Variants in GALNT2 observed in about 807,000 individuals in gnomAD.
The protein encoded by GALNT2 is UDP-GalNAc:polypeptide N-acetylgalactosaminyltransferase 2.
In GALNT2, 31 loss-of-function variants were observed where a neutral mutation model predicts 81.4. That is an observed-to-expected ratio of 0.38 (90% CI 0.29 to 0.51). The LOEUF (loss-of-function observed/expected upper bound fraction) is 0.51. GALNT2 is among the 20% of genes least tolerant of loss of function. GALNT2 has a pLI of 0.87. For synonymous variants in GALNT2, 303 were observed against 287.4 expected, an observed-to-expected ratio of 1.05 and a Z score of -0.55; for missense variants, 629 against 765.7, an observed-to-expected ratio of 0.82 and a Z score of 2.11.
intron 1 of GALNT2, among the ~76,000 whole-genome samples, chr1:230,088,072 C>T (rs116602531): frequency 0.011 from 1,639 of 152,022 alleles, 33 homozygotes; most frequent in African/African-American, 0.038. Flanking sequence ...ATTTGCATCT[C>T]CCCCCGCCCC....
chr1:230,150,712 G>A (rs898258616), intron 1 of GALNT2, among the ~76,000 whole-genome samples: 1 of 152,224 alleles, frequency 6.6e-6, no homozygotes, highest in South Asian at 2.1e-4. Flanking sequence ...TAGAGAATGC[G>A]CTGCGACATT....
At position 230,203,118 on chromosome 1, in the gene GALNT2, T is replaced by C. The variant is rs1266571156; in HGVS notation, c.221-19T>C. On this transcript the variant is annotated intron_variant, in intron 2 of 15. Transcript: ENST00000366672. Reference sequence around the variant, plus strand: ...GTCACATTTTCCCTCATCCCTACCCTCTGCTCTGCTCTTTTTAGGGAAAGT... The same window carrying C: ...GTCACATTTTCCCTCATCCCTACCCCCTGCTCTGCTCTTTTTAGGGAAAGT... The C allele has an allele frequency of 6.2e-7, 1 of 1,610,912 alleles. No individual in the cohort carries two copies. The highest frequency in any genetic ancestry group is 1.7e-5 in the Admixed American group (1 of 59,906).
At chr1:230,149,890 T>C (rs1662039267) in intron 1 of GALNT2, among the ~76,000 whole-genome samples, 1 of 152,158 alleles carries the variant, frequency 6.6e-6, no homozygotes, top group Non-Finnish European at 1.5e-5. Context: ...GCCGAATTGT[T>C]TCAGCAGGGC....
intron 1 of GALNT2, among the ~76,000 whole-genome samples, chr1:230,094,814 G>C (rs1306072532): frequency 6.6e-6 from 1 of 152,152 alleles, no homozygotes; most frequent in Admixed American, 6.5e-5. Context: ...TAGGTCCCTT[G>C]TGTGTTGTTT....
At chr1:230,129,074 C>T (rs996555707) in intron 1 of GALNT2, among the ~76,000 whole-genome samples, 3 of 152,216 alleles carry the variant, frequency 2.0e-5, no homozygotes, top group Non-Finnish European at 4.4e-5. Flanking sequence ...ATCAGTCATT[C>T]GGTGTATTTC....
At chr1:230,086,367 C>T (rs1446589284) in intron 1 of GALNT2, among the ~76,000 whole-genome samples, 1 of 152,000 alleles carries the variant, frequency 6.6e-6, no homozygotes, top group Non-Finnish European at 1.5e-5. Flanking sequence ...TTCTGCCGGC[C>T]CTTTATCTGG....
chr1:230,126,590 T>G (rs1479897002), intron 1 of GALNT2, among the ~76,000 whole-genome samples: 1 of 152,180 alleles, frequency 6.6e-6, no homozygotes, highest in African/African-American at 2.4e-5. Flanking sequence ...TGAGAGTGGT[T>G]CAGAAGGCCA....
At chr1:230,201,796 C>T (rs927113015) in intron 2 of GALNT2, among the ~76,000 whole-genome samples, 1 of 152,172 alleles carries the variant, frequency 6.6e-6, no homozygotes, top group Non-Finnish European at 1.5e-5. Flanking sequence ...CTTTGCACTG[C>T]GGTGCCCTAT....
At chr1:230,206,052 G>T (rs949169960) in intron 3 of GALNT2, among the ~76,000 whole-genome samples, 1 of 152,158 alleles carries the variant, frequency 6.6e-6, no homozygotes, top group African/African-American at 2.4e-5. Flanking sequence ...GATGACTTCA[G>T]TCGACTGCTT....
At chr1:230,176,717 C>T (rs954979716) in intron 1 of GALNT2, among the ~76,000 whole-genome samples, 2 of 152,156 alleles carry the variant, frequency 1.3e-5, no homozygotes, top group Non-Finnish European at 2.9e-5. Flanking sequence ...TTGAAAGTTT[C>T]TTTATAGCCA....
At chr1:230,107,610 TTGTGTGTGTGTGTGTG>T (rs3033608) in intron 1 of GALNT2, among the ~76,000 whole-genome samples, 10 of 141,116 alleles carry the variant, frequency 7.1e-5, no homozygotes, top group Non-Finnish European at 1.5e-4. Context: ...CTCATGGACT[TTGTGTGTGTGTGTGTG>T]TGTGTGTGTG....
intron 2 of GALNT2, among the ~76,000 whole-genome samples, chr1:230,180,061 G>A (rs1000951093): frequency 2.0e-5 from 3 of 152,130 alleles, no homozygotes; most frequent in African/African-American, 7.2e-5. Flanking sequence ...TGGGATTACA[G>A]GCATCTGCCA....
chr1:230,166,589 C>T (rs762102332), intron 1 of GALNT2, among the ~76,000 whole-genome samples: 11 of 152,344 alleles, frequency 7.2e-5, no homozygotes, highest in East Asian at 1.9e-4. Context: ...TCAGTGAGCA[C>T]GCGGACATGT....
intron 2 of GALNT2, among the ~76,000 whole-genome samples, chr1:230,194,938 A>G (rs1663642024): frequency 6.6e-6 from 1 of 152,232 alleles, no homozygotes; most frequent in Admixed American, 6.5e-5. Context: ...AGAGAGAGCA[A>G]GAAGAGCATC....
At chr1:230,188,959 G>T (rs956458249) in intron 2 of GALNT2, among the ~76,000 whole-genome samples, 1 of 151,632 alleles carries the variant, frequency 6.6e-6, no homozygotes, top group African/African-American at 2.4e-5. Context: ...GCTGGCAGAA[G>T]GACTGGCAAA....
chr1:230,212,370 C>T (rs1664260303), intron 3 of GALNT2, among the ~76,000 whole-genome samples: 1 of 152,188 alleles, frequency 6.6e-6, no homozygotes, highest in South Asian at 2.1e-4. Flanking sequence ...CTAAGGGAAG[C>T]TGGCCACACG....
rs149278032 is a variant in GALNT2 at position 230,093,106 on chromosome 1, A to C, written c.126+25700A>C. On this transcript the variant is annotated intron_variant, in intron 1 of 15. Coordinates refer to ENST00000366672, the MANE Select transcript of GALNT2 (RefSeq NM_004481.5). ...TACATTTCAGCTTACGTCTACTGAC[A>C]CTAAGCCAAGGGGAGCTCCTTCAGT... is the stretch of plus-strand genomic sequence containing the variant. Among the ~76,000 whole-genome samples the C allele has an allele frequency of 2.1e-3, 316 of 152,354 alleles. 1 individual carries two copies. The Middle Eastern group carries it at 0.024, about 11-fold the overall frequency.
upstream of GALNT2, among the ~76,000 whole-genome samples, chr1:230,066,914 G>A (rs1659198615): frequency 6.6e-6 from 1 of 150,890 alleles, no homozygotes. Context: ...GCCGGGGGCG[G>A]GGCGGCGCCC....
chr1:230,229,702 T>C (rs1354472451), intron 3 of GALNT2, among the ~76,000 whole-genome samples: 1 of 152,104 alleles, frequency 6.6e-6, no homozygotes, highest in Non-Finnish European at 1.5e-5. Context: ...CTCCCTACAA[T>C]GGAAAGCAGT....
Sources: allele counts gnomAD v4.1 joint callset (sites outside exome capture counted in the v4.1 genomes callset), GRCh38; gene constraint gnomAD v4.1.1; transcripts MANE v1.5; gene names NCBI Gene and HGNC (gene_info 2026-07-23, HGNC 2026-07-21).